ELMOD1: variants seen among roughly 807,000 people sequenced by gnomAD.
The protein encoded by ELMOD1 is ELMO domain containing 1.
A neutral mutation model predicts 46.7 loss-of-function variants in ELMOD1; 21 were observed. That is an observed-to-expected ratio of 0.45 (90% confidence interval 0.32 to 0.65). ELMOD1 has a LOEUF of 0.65. ELMOD1 is among the 30% of genes least tolerant of loss of function. The pLI is 0.04. For synonymous variants in ELMOD1, 122 were observed against 138.2 expected (o/e 0.88, Z 0.82); for missense variants, 348 against 407.8 (o/e 0.85, Z 1.26).
At chr11:107,614,129 G>C (rs752178016) in intron 1 of ELMOD1, among the ~76,000 whole-genome samples, 1 of 152,044 alleles carries the variant, frequency 6.6e-6, no homozygotes, top group Admixed American at 6.6e-5. Flanking sequence ...AACCACTGCC[G>C]CAGTCAATCA....
intron 6 of ELMOD1, among the ~76,000 whole-genome samples, chr11:107,642,125 G>GTC (rs1866335652): frequency 6.6e-6 from 1 of 150,834 alleles, no homozygotes; most frequent in Admixed American, 6.6e-5. Context: ...TGTATTTTGA[G>GTC]TAGAGACAGG....
At chr11:107,647,632 G>A (rs368401916) in intron 7 of ELMOD1, 31 bp downstream of exon 7, 176 of 1,603,054 alleles carry the variant, frequency 1.1e-4, no homozygotes, top group Non-Finnish European at 1.3e-4. Context: ...CTAAGTGTTC[G>A]AGTGATGTTT....
At chr11:107,603,969 T>C (rs1359187580) in intron 1 of ELMOD1, among the ~76,000 whole-genome samples, 1 of 151,418 alleles carries the variant, frequency 6.6e-6, no homozygotes, top group Admixed American at 6.6e-5. Flanking sequence ...CAGGAGAACA[T>C]GAGATCACAG....
chr11:107,618,288 G>T (rs373262656), intron 2 of ELMOD1, 82 bp downstream of exon 2: 18 of 1,448,146 alleles, frequency 1.2e-5, no homozygotes, highest in African/African-American at 2.8e-5. Flanking sequence ...ACCAGTCATC[G>T]TTTGTGATCC....
chr11:107,591,655 G>A, intron 1 of ELMOD1: 1 of 363,620 alleles, frequency 2.8e-6, no homozygotes, highest in South Asian at 2.1e-5. Flanking sequence ...CACCCGAGAG[G>A]CTGCAGGTCG....
At chr11:107,602,391 A>G (rs886271249) in intron 1 of ELMOD1, among the ~76,000 whole-genome samples, 1 of 151,992 alleles carries the variant, frequency 6.6e-6, no homozygotes, top group African/African-American at 2.4e-5. Context: ...AGTTTCCTGT[A>G]TTATTTCTTT....
chr11:107,645,674 C>A (rs1186671047), intron 6 of ELMOD1, among the ~76,000 whole-genome samples: 1 of 152,176 alleles, frequency 6.6e-6, no homozygotes, highest in African/African-American at 2.4e-5. Context: ...TATATGAATT[C>A]TTTAAAAAGA....
chr11:107,628,704 A>T (rs917724126), intron 2 of ELMOD1, among the ~76,000 whole-genome samples: 1 of 151,788 alleles, frequency 6.6e-6, no homozygotes, highest in Non-Finnish European at 1.5e-5. Flanking sequence ...GAAATTTTAT[A>T]TGCACTTTTG....
intron 1 of ELMOD1, among the ~76,000 whole-genome samples, chr11:107,616,677 C>A (rs1406456578): frequency 6.6e-6 from 1 of 152,244 alleles, no homozygotes. Flanking sequence ...GGGTGCCTGG[C>A]CTGCTCCACC....
chr11:107,621,968 A>G (rs1269670829), intron 2 of ELMOD1, among the ~76,000 whole-genome samples: 1 of 152,182 alleles, frequency 6.6e-6, no homozygotes, highest in Non-Finnish European at 1.5e-5. Context: ...CGGAGGTTGC[A>G]GTGAGCCGAG....
intron 1 of ELMOD1, among the ~76,000 whole-genome samples, chr11:107,608,034 GA>G (rs1232172177): frequency 9.9e-4 from 122 of 123,546 alleles, no homozygotes; most frequent in Middle Eastern, 4.2e-3. Context: ...AAAAAAAAAA[GA>G]AAAAAAAAAG....
rs1453027228 is a variant in ELMOD1, at chr11:107,594,926, A to C, written c.-86+3517A>C. Among the ~76,000 whole-genome samples, 3 of 152,206 alleles carry C rather than the reference A, an allele frequency of 2.0e-5. No individual in the cohort carries two copies. The East Asian group carries it at 5.8e-4, about 29-fold the overall frequency. ...CAGAGGACCTAGTCAGAATGTTCCA[A>C]ATGCAGTTAATTCCAAAAAACTGGC... On this transcript the variant is annotated intron_variant, in intron 1 of 11. Coordinates refer to ENST00000265840, the MANE Select transcript of ELMOD1 (RefSeq NM_018712.4).
chr11:107,643,762 T>C, intron 6 of ELMOD1: 1 of 463,730 alleles, frequency 2.2e-6, no homozygotes, highest in Non-Finnish European at 4.4e-6. Flanking sequence ...TATGTTCTGT[T>C]GCGTATACTG....
chr11:107,658,147 AAG>A (rs1480346682), intron 11 of ELMOD1, among the ~76,000 whole-genome samples: 1 of 152,206 alleles, frequency 6.6e-6, no homozygotes, highest in African/African-American at 2.4e-5. Flanking sequence ...TAGAGCTATG[AAG>A]ATCAATAACC....
At chr11:107,655,890 T>C in intron 10 of ELMOD1, 43 bp from the exon 11 acceptor site, 1 of 1,579,388 alleles carries the variant, frequency 6.3e-7, no homozygotes, top group Non-Finnish European at 8.6e-7. Flanking sequence ...TACTTATTTC[T>C]TCTATGTGAC....
At chr11:107,619,577 T>C (rs1044373130) in intron 2 of ELMOD1, among the ~76,000 whole-genome samples, 6 of 152,338 alleles carry the variant, frequency 3.9e-5, no homozygotes, top group Admixed American at 2.6e-4. Context: ...CCAAGTCTTG[T>C]ACTACTCAAT....
chr11:107,647,416 A>G, intron 6 of ELMOD1, 52 bp from the exon 7 acceptor site: 7 of 1,554,432 alleles, frequency 4.5e-6, no homozygotes, highest in Non-Finnish European at 5.2e-6. Flanking sequence ...CAAAATCTGA[A>G]CCAATAGGAA....
chr11:107,631,482 T>A (rs1232938802), intron 4 of ELMOD1, 98 bp from the exon 5 acceptor site: 2 of 511,076 alleles, frequency 3.9e-6, no homozygotes, highest in Non-Finnish European at 6.3e-6. Context: ...AGTCTTCATA[T>A]AGAAGCTTAA....
intron 6 of ELMOD1, among the ~76,000 whole-genome samples, chr11:107,640,709 A>T (rs1212990771): frequency 6.6e-6 from 1 of 152,238 alleles, no homozygotes; most frequent in Non-Finnish European, 1.5e-5. Flanking sequence ...TGGTCACAAC[A>T]TGTACAATTT....
Sources: gnomAD v4.1 joint callset for allele counts (sites outside exome capture counted in the v4.1 genomes callset) on GRCh38, gnomAD v4.1.1 for gene constraint, MANE v1.5 for transcripts, NCBI Gene and HGNC (gene_info 2026-07-23, HGNC 2026-07-21) for gene names.